The following CACNA1I variants were observed in gnomAD, a reference collection of about 807,000 sequenced individuals.
The protein encoded by CACNA1I is calcium voltage-gated channel subunit alpha1 I.
A neutral mutation model predicts 201.6 loss-of-function variants in CACNA1I; 74 were observed. The ratio of observed to expected loss-of-function variants is 0.37; its 90% confidence interval spans 0.30 to 0.45. The LOEUF (loss-of-function observed/expected upper bound fraction) is 0.45, where lower values mean the gene tolerates loss of function less well. Among genes scored for constraint, CACNA1I ranks in the 20% least tolerant of loss-of-function variants. The pLI, the probability that CACNA1I is intolerant of heterozygous loss-of-function variation, is 1.00. For missense variants in CACNA1I, 2,346 were observed against 3,138.1 expected (o/e 0.75, Z 6.03); for synonymous variants, 1,431 against 1,345.2 (o/e 1.06, Z -1.40).
At position 39,684,486 on chromosome 22, in the gene CACNA1I, C is replaced by T. The variant is rs935639555; in HGVS notation, c.6015C>T (p.Thr2005=). Residue 2005 remains threonine (T), a synonymous_variant, in exon 36 of 37, where the codon ACC becomes ACT. Coordinates refer to ENST00000402142, the MANE Select transcript of CACNA1I (RefSeq NM_021096.4). The surrounding 1 kb of genome is among the most constrained non-coding windows in gnomAD (Gnocchi z 4.6). The part of the protein sequence containing the change: ...ASLRSPRVNC[T]LLRQATGSDT... ...TGCGGTCACCAAGGGTCAACTGTAC[C>T]CTCCTCCGGCAGGTACCGACACCTC... The T allele has an allele frequency of 6.2e-7, 1 of 1,612,882 alleles. No homozygotes were observed. The highest frequency in any genetic ancestry group is 8.5e-7 in the Non-Finnish European group (1 of 1,179,724).
At chr22:39,658,053 A>G (rs757423496) in intron 10 of CACNA1I, 99 bp from the exon 11 acceptor site, 14 of 1,300,400 alleles carry the variant, frequency 1.1e-5, no homozygotes, top group African/African-American at 1.5e-5. Context: ...GAGGACACCG[A>G]CCTGCCAGGG....
intron 2 of CACNA1I, among the ~76,000 whole-genome samples, chr22:39,599,613 C>T (rs1467775085): frequency 1.6e-4 from 10 of 64,168 alleles, no homozygotes; most frequent in African/African-American, 6.2e-4. Context: ...AGCGAGACTC[C>T]GTCTCAAAAA....
intron 2 of CACNA1I, among the ~76,000 whole-genome samples, chr22:39,599,482 A>G (rs1932973126): frequency 2.1e-5 from 3 of 145,280 alleles, no homozygotes; most frequent in Admixed American, 2.0e-4. Context: ...AGCCGGGCGT[A>G]GTGGCGGGCG....
chr22:39,575,522 G>T (rs1309385268), intron 1 of CACNA1I, among the ~76,000 whole-genome samples: 2 of 152,128 alleles, frequency 1.3e-5, no homozygotes, highest in Non-Finnish European at 2.9e-5. Context: ...ATTGGGGACA[G>T]GTCTTTAGAT....
chr22:39,678,219 G>C, intron 31 of CACNA1I, 111 bp downstream of exon 31: 2 of 1,277,504 alleles, frequency 1.6e-6, no homozygotes, highest in Admixed American at 4.5e-5. Flanking sequence ...CACATGGGAG[G>C]GGCATGCAGG....
chr22:39,649,353 A>G lies in CACNA1I; in HGVS notation c.1568-148A>G. 1 of 770,440 alleles carries G rather than the reference A, an allele frequency of 1.3e-6. No individual in the cohort carries two copies. Among genetic ancestry groups the G allele is most frequent in the South Asian group, 1.9e-5 (1 of 51,780 alleles). 47.7% of individuals were successfully genotyped at this position (770,440 alleles called of 1,614,324 possible). On this transcript the variant is annotated intron_variant, in intron 9 of 36. Transcript: ENST00000402142. This position sits in a 1 kb window ranked among gnomAD's most constrained non-coding sequence, Gnocchi z 7.3. ...CTCAGAGAGCTGCAGCCGCTTCCCC[A>G]GGCACCCCTGACCGCCTTTCCAGGC...
chr22:39,680,059 T>TA (rs1935656363), intron 33 of CACNA1I, among the ~76,000 whole-genome samples, 191 bp downstream of exon 33: 1 of 152,128 alleles, frequency 6.6e-6, no homozygotes, highest in African/African-American at 2.4e-5. Flanking sequence ...TGTGGTGTGG[T>TA]GGCCACAGCT....
chr22:39,637,604 C>A (rs936376471), intron 5 of CACNA1I, among the ~76,000 whole-genome samples: 1 of 152,120 alleles, frequency 6.6e-6, no homozygotes, highest in African/African-American at 2.4e-5. Context: ...AGCCAAAAAA[C>A]CAGAAACAAC....
rs1289985435 is a variant in CACNA1I, at chr22:39,679,235, G to T, written c.5184G>T (p.Val1728=). The T allele has an allele frequency of 6.3e-7, 1 of 1,593,492 alleles. No individual in the cohort carries two copies. The highest frequency in any genetic ancestry group is 8.5e-7 in the Non-Finnish European group (1 of 1,170,934). The change falls in exon 32 of 37, where the codon GTG becomes GTT. Residue 1728 remains valine (V), a synonymous_variant. Coordinates refer to ENST00000402142, the MANE Select transcript of CACNA1I (RefSeq NM_021096.4). ...TGCTCATCAACGTGGTGGTGGCTGTGCTCATGAAGCACCTGGACGACAGCA... is the reference window on the plus strand; with the variant it reads ...TGCTCATCAACGTGGTGGTGGCTGTTCTCATGAAGCACCTGGACGACAGCA... ...QFVLINVVVA[V]LMKHLDDSNK... is the part of the protein sequence containing the mutation.
Position 39,661,135 on chromosome 22 carries a change from C to A in CACNA1I, c.2726C>A (p.Thr909Asn). 6.2e-7 allele frequency: 1 copy of A among 1,613,426 alleles called. No individual in the cohort carries two copies. Among genetic ancestry groups the A allele is most frequent in the Non-Finnish European group, 8.5e-7 (1 of 1,179,776 alleles). Residue 909 changes from threonine (T) to asparagine (N), a missense_variant, in exon 16 of 37, where the codon ACC becomes AAC. By Grantham distance (65) the Thr-to-Asn change is moderately conservative (BLOSUM62 0). Coordinates refer to ENST00000402142, the MANE Select transcript of CACNA1I (RefSeq NM_021096.4). ...GDPKLCPIPM[T>N]PNGHLDPSLP... ...CCCAAGCTCTGCCCAATCCCCATGA[C>A]CCCCAATGGGCACCTGGACCCCAGT... is the stretch of plus-strand genomic sequence containing the variant.
intron 4 of CACNA1I, among the ~76,000 whole-genome samples, chr22:39,625,195 C>T (rs1468389065): frequency 2.6e-5 from 4 of 151,850 alleles, no homozygotes; most frequent in African/African-American, 4.8e-5. Flanking sequence ...CGTGAGCCAC[C>T]GTGCCCAGCC....
intron 6 of CACNA1I, 31 bp downstream of exon 6, chr22:39,641,213 G>A (rs1336928216): frequency 6.3e-7 from 1 of 1,580,486 alleles, no homozygotes; most frequent in Non-Finnish European, 8.7e-7. Flanking sequence ...GGCCAGCCTG[G>A]TCCTAGAGTG....
intron 7 of CACNA1I, among the ~76,000 whole-genome samples, chr22:39,645,935 A>G (rs898633530): frequency 1.3e-5 from 2 of 152,180 alleles, no homozygotes; most frequent in African/African-American, 4.8e-5. Flanking sequence ...CTGGGGTCCC[A>G]GCTGAGGCCA....
intron 4 of CACNA1I, among the ~76,000 whole-genome samples, chr22:39,625,986 TC>T (rs1209093643): frequency 1.3e-5 from 2 of 152,128 alleles, no homozygotes; most frequent in African/African-American, 2.4e-5. Context: ...AGGTGATAGT[TC>T]CCCCGACCCA....
In CACNA1I at chr22:39,660,359, T is replaced by A. The variant is rs773922976; in HGVS notation, c.2620T>A (p.Ser874Thr). The A allele has an allele frequency of 1.7e-5, 28 of 1,612,518 alleles. No individual in the cohort carries two copies. The South Asian group carries it at 2.9e-4, about 16-fold the overall frequency. ...GCTCTCCCAGGGTGACGCCAATCGCTCCTACTCGGACGAGGACCAGAGCTC... is the reference window on the plus strand; with the variant it reads ...GCTCTCCCAGGGTGACGCCAATCGCACCTACTCGGACGAGGACCAGAGCTC... ...GFQAEGDANR[S>T]YSDEDQSSSN... The change falls in exon 15 of 37, where the codon TCC becomes ACC. Residue 874 changes from serine to threonine, a missense_variant. This residue lies in a region of CACNA1I where 92 missense variants were observed against 114.5 expected (regional missense o/e 0.80). Coordinates refer to ENST00000402142, the MANE Select transcript of CACNA1I (RefSeq NM_021096.4).
Position 39,629,005 on chromosome 22 carries a change from T to C in CACNA1I, c.581-5560T>C, listed in dbSNP as rs895242291. 9.9e-5 allele frequency among the ~76,000 whole-genome samples: 15 copies of C among 152,218 alleles called. No homozygotes were observed. The highest frequency in any genetic ancestry group is 3.4e-3 in the Middle Eastern group (1 of 294). On this transcript the variant is annotated intron_variant, in intron 4 of 36. Transcript: ENST00000402142. The surrounding 1 kb of genome is among the most constrained non-coding windows in gnomAD (Gnocchi z 4.8). ...CCTGTCAGGAAGTGCTTCCTGTTCT[T>C]CCTGCCACCTCCTCTCAGGTGTCCC...
rs531692974 is a variant in CACNA1I at position 39,687,881 on chromosome 22, G to C, written c.*1476G>C. ...GTCAGTTTGAAGAAGGAGGTTGGGA[G>C]CATGTTGGTGGCAGTGATCTGGAGA... On this transcript the variant is annotated 3_prime_UTR_variant, in exon 37 of 37. Transcript: ENST00000402142. 6.6e-6 allele frequency: 1 copy of C among 152,418 alleles called. No individual in the cohort carries two copies. Among genetic ancestry groups the C allele is most frequent in the East Asian group, 1.9e-4 (1 of 5,192 alleles). The allele number at this position is 152,418 out of a possible 1,614,324, so 9.4% of individuals were successfully genotyped here.
intron 10 of CACNA1I, among the ~76,000 whole-genome samples, chr22:39,652,731 C>G (rs565747969): frequency 6.6e-6 from 1 of 152,120 alleles, no homozygotes; most frequent in Non-Finnish European, 1.5e-5. Flanking sequence ...AGAGTGGGAC[C>G]CCGTCTCTGC....
In CACNA1I at chr22:39,661,251, G is replaced by C; in HGVS notation, c.2842G>C (p.Gly948Arg). ...GCCGGACCCCATGCTGGTGGCCCTG[G>C]GCTCCCGAAAGAGCAGTGTCATGTC... ...LQPDPMLVALGSRKSSVMSLG... is the reference protein window; with the variant it reads ...LQPDPMLVALRSRKSSVMSLG... The change falls in exon 16 of 37, where the codon GGC (glycine) becomes CGC (arginine). Residue 948 changes from glycine (G) to arginine (R), a missense_variant. Gly to Arg is a moderately radical substitution (Grantham distance 125, BLOSUM62 -2). This residue lies in a region of CACNA1I where 92 missense variants were observed against 114.5 expected (regional missense o/e 0.80). Coordinates refer to ENST00000402142, the MANE Select transcript of CACNA1I (RefSeq NM_021096.4). The C allele has an allele frequency of 6.2e-7, 1 of 1,610,528 alleles. No individual in the cohort carries two copies. The highest frequency in any genetic ancestry group is 8.5e-7 in the Non-Finnish European group (1 of 1,178,466).
Sources: allele counts gnomAD v4.1 joint callset (sites outside exome capture counted in the v4.1 genomes callset), GRCh38; gene constraint gnomAD v4.1.1; regional missense constraint gnomAD v4.1.1; non-coding constraint Gnocchi (gnomAD v3.1); transcripts MANE v1.5; gene names NCBI Gene and HGNC (gene_info 2026-07-23, HGNC 2026-07-21).